Variants in ROBO2 observed in about 807,000 individuals in gnomAD.
ROBO2 encodes roundabout guidance receptor 2.
ROBO2 carries 53 observed loss-of-function variants against 160.8 expected under a neutral mutation model. The ratio of observed to expected loss-of-function variants is 0.33; its 90% CI spans 0.26 to 0.41. The LOEUF is 0.41. Among genes scored for constraint, ROBO2 ranks in the 10% least tolerant of loss-of-function variants. ROBO2 has a pLI of 1.00. For synonymous variants in ROBO2, 664 were observed against 611.7 expected, an observed-to-expected ratio of 1.09 and a Z score of -1.26; for missense variants, 1,577 against 1,722.4, an observed-to-expected ratio of 0.92 and a Z score of 1.49.
At chr3:76,731,042 T>G (rs550031701) in intron 2 of ROBO2, among the ~76,000 whole-genome samples, 2 of 145,712 alleles carry the variant, frequency 1.4e-5, no homozygotes. Context: ...CTACCCGCTT[T>G]TCTTCACCTC....
intron 2 of ROBO2, among the ~76,000 whole-genome samples, chr3:76,074,490 T>C (rs2107984114): frequency 6.6e-6 from 1 of 152,346 alleles, no homozygotes; most frequent in Non-Finnish European, 1.5e-5. Flanking sequence ...TTAGAATTTC[T>C]TCCCTTCTTA....
chr3:76,081,302 G>T (rs1345197206), intron 2 of ROBO2, among the ~76,000 whole-genome samples: 1 of 151,932 alleles, frequency 6.6e-6, no homozygotes. Flanking sequence ...CTTGAATTTT[G>T]TCCCAGCTCT....
chr3:77,215,429 A>G (rs1199776243), intron 2 of ROBO2, among the ~76,000 whole-genome samples: 2 of 152,110 alleles, frequency 1.3e-5, no homozygotes, highest in Non-Finnish European at 2.9e-5. Context: ...TTTCAGCTCC[A>G]TCAGGTCCTT....
At chr3:76,750,727 C>T (rs1386455065) in intron 2 of ROBO2, among the ~76,000 whole-genome samples, 1 of 151,984 alleles carries the variant, frequency 6.6e-6, no homozygotes, top group Non-Finnish European at 1.5e-5. Flanking sequence ...ACCTAGGAAT[C>T]CAACTTACAA....
rs890709614 is a variant in ROBO2, at chr3:76,414,011, C to T, written c.109+476409C>T. ...GAATCATGGCAGGAGGCAAAAGGCA[C>T]TTCTTACCTGGTGGCAGCAAGAGAA... On this transcript the variant is annotated intron_variant, in intron 2 of 26. Coordinates refer to the ROBO2 transcript ENST00000487694. Among the ~76,000 whole-genome samples the T allele has an allele frequency of 3.3e-5, 5 of 152,148 alleles. No homozygotes were observed. In the East Asian group the frequency reaches 7.7e-4, roughly 24 times the overall value.
At chr3:77,139,401 G>T (rs2076530118) in intron 2 of ROBO2, among the ~76,000 whole-genome samples, 1 of 152,042 alleles carries the variant, frequency 6.6e-6, no homozygotes, top group Non-Finnish European at 1.5e-5. Context: ...TTCAATAGTG[G>T]ATTGTACTTG....
At chr3:75,953,470 A>G (rs147904491) in intron 2 of ROBO2, among the ~76,000 whole-genome samples, 6 of 151,968 alleles carry the variant, frequency 3.9e-5, no homozygotes, top group Admixed American at 6.6e-5. Context: ...TTTAAATACC[A>G]CTAATTTATC....
At chr3:77,605,199 T>C (rs887862238) in intron 20 of ROBO2, among the ~76,000 whole-genome samples, 4 of 149,544 alleles carry the variant, frequency 2.7e-5, no homozygotes, top group African/African-American at 9.8e-5. Context: ...AGTATATATA[T>C]ACATATATAT....
chr3:76,859,253 T>C (rs974668629), intron 2 of ROBO2, among the ~76,000 whole-genome samples: 2 of 152,206 alleles, frequency 1.3e-5, no homozygotes, highest in Non-Finnish European at 2.9e-5. Context: ...AGAGGCATAG[T>C]CAATTTTATC....
intron 2 of ROBO2, among the ~76,000 whole-genome samples, chr3:77,248,136 C>T (rs1454688392): frequency 6.6e-6 from 1 of 152,106 alleles, no homozygotes; most frequent in Non-Finnish European, 1.5e-5. Context: ...AACGGTGTAG[C>T]TTCGGAGAGG....
At chr3:76,730,310 G>A (rs1195566976) in intron 2 of ROBO2, among the ~76,000 whole-genome samples, 7 of 67,680 alleles carry the variant, frequency 1.0e-4, no homozygotes, top group African/African-American at 2.0e-4. Context: ...CTCCCTACCC[G>A]CTTCTCCTCA....
At chr3:77,277,208 C>CTT (rs1180032388) in intron 2 of ROBO2, among the ~76,000 whole-genome samples, 3 of 121,190 alleles carry the variant, frequency 2.5e-5, no homozygotes, top group East Asian at 2.3e-4. Context: ...TTCTTTCTTT[C>CTT]TTTCTTCTTT....
chr3:76,999,713 T>C (rs575377719), intron 2 of ROBO2, among the ~76,000 whole-genome samples: 1 of 152,304 alleles, frequency 6.6e-6, no homozygotes, highest in South Asian at 2.1e-4. Context: ...TTGGGGTTTG[T>C]ATAAAATACA....
intron 2 of ROBO2, among the ~76,000 whole-genome samples, chr3:75,993,115 G>A (rs1385043954): frequency 6.6e-6 from 1 of 152,126 alleles, no homozygotes; most frequent in Non-Finnish European, 1.5e-5. Flanking sequence ...TTAAGACTTT[G>A]GGGGACTGTT....
In ROBO2 at chr3:76,649,971, A is replaced by G. The variant is rs558589685; in HGVS notation, c.110-448043A>G. Among the ~76,000 whole-genome samples, 111 of 152,314 alleles carry G rather than the reference A, an allele frequency of 7.3e-4. 5 individuals carry two copies. The South Asian group carries it at 0.023, about 31-fold the overall frequency. ...TTGAAGAGTTATTTAAATCGTGAATATTCCTCTGAAGGAATAAAAAGTCTT... is the reference window on the plus strand; with the variant it reads ...TTGAAGAGTTATTTAAATCGTGAATGTTCCTCTGAAGGAATAAAAAGTCTT... On this transcript the variant is annotated intron_variant, in intron 2 of 26. Transcript: ENST00000487694.
At chr3:77,461,877 C>G (rs2082280754) in intron 2 of ROBO2, among the ~76,000 whole-genome samples, 1 of 151,994 alleles carries the variant, frequency 6.6e-6, no homozygotes, top group African/African-American at 2.4e-5. Context: ...AGGCCCGTGC[C>G]ACCACACCCA....
rs190787126 is a variant in ROBO2, at chr3:77,051,630, G to A, written c.61+10784G>A. On this transcript the variant is annotated intron_variant, in intron 1 of 25. Transcript: ENST00000461745. ...AGCAGTTTTTAAGTTTTGAAGCAGC[G>A]GCTACACATGACATGCAAATAAAAT... Among the ~76,000 whole-genome samples the A allele has an allele frequency of 3.9e-5, 6 of 152,252 alleles. No homozygotes were observed. In the South Asian group the frequency reaches 8.3e-4, roughly 21 times the overall value.
intron 2 of ROBO2, among the ~76,000 whole-genome samples, chr3:76,552,274 CG>C (rs966368872): frequency 6.6e-5 from 10 of 152,176 alleles, no homozygotes; most frequent in African/African-American, 2.2e-4. Flanking sequence ...TAGTATCTGT[CG>C]GGGGCCCTGG....
intron 2 of ROBO2, among the ~76,000 whole-genome samples, chr3:76,222,477 C>T (rs1298012093): frequency 3.3e-5 from 5 of 152,032 alleles, no homozygotes; most frequent in Admixed American, 2.0e-4. Context: ...TCTCCCAACC[C>T]GCCCAACCCT....
Sources: gnomAD v4.1 joint callset for allele counts (sites outside exome capture counted in the v4.1 genomes callset) on GRCh38, gnomAD v4.1.1 for gene constraint, MANE v1.5 for transcripts, NCBI Gene and HGNC (gene_info 2026-07-23, HGNC 2026-07-21) for gene names.